MTAP: variants seen among roughly 807,000 people sequenced by gnomAD.
MTAP encodes S-methyl-5'-thioadenosine phosphorylase.
Under a neutral mutation model 33.6 loss-of-function variants are expected in MTAP, and 33 were observed. That is an observed-to-expected ratio of 0.98 (90% CI 0.74 to 1.31). MTAP has a LOEUF of 1.31. Ranked by LOEUF, MTAP falls within the 40% of genes most tolerant of loss-of-function variation. The pLI is 0.00. For synonymous variants in MTAP, 148 were observed against 125.7 expected (o/e 1.18, Z -1.19); for missense variants, 367 against 360.0 (o/e 1.02, Z -0.16).
intron 1 of MTAP, among the ~76,000 whole-genome samples, chr9:21,884,904 C>T (rs115230759): frequency 0.016 from 2,404 of 152,160 alleles, 64 homozygotes; most frequent in African/African-American, 0.054. Flanking sequence ...AGGTTGCATA[C>T]ACAATTAGTA....
intron 7 of MTAP, 55 bp downstream of exon 7, chr9:21,859,480 T>C (rs1825710017): frequency 6.5e-7 from 1 of 1,531,310 alleles, no homozygotes; most frequent in Admixed American, 2.3e-5. Context: ...ATTGTCTTCT[T>C]TTCTTACTTG....
intron 5 of MTAP, among the ~76,000 whole-genome samples, chr9:21,846,416 A>C (rs1825383059): frequency 7.2e-6 from 1 of 139,188 alleles, no homozygotes; most frequent in East Asian, 2.2e-4. Context: ...CAAATCAGCA[A>C]GAAAAAAAAA....
chr9:21,928,255 TA>T (rs577394403), intron 1 of MTAP, among the ~76,000 whole-genome samples: 169 of 152,302 alleles, frequency 1.1e-3, no homozygotes, highest in African/African-American at 4.0e-3. Flanking sequence ...CAGTCTAGGG[TA>T]AATTTGTAAA....
chr9:21,909,980 A>G (rs16938590), intron 1 of MTAP, among the ~76,000 whole-genome samples: 28,912 of 152,138 alleles, frequency 0.19, 4,552 homozygotes, highest in African/African-American at 0.42. Flanking sequence ...TTACATGACA[A>G]AGATATCTTT....
At chr9:21,830,152 A>T (rs1024260521) in intron 4 of MTAP, among the ~76,000 whole-genome samples, 1 of 152,232 alleles carries the variant, frequency 6.6e-6, no homozygotes, top group African/African-American at 2.4e-5. Flanking sequence ...TGAGTAGAGC[A>T]TCCATAGAAA....
Position 21,837,932 on chromosome 9 carries a change from C to G in MTAP, c.372C>G (p.Phe124Leu), listed in dbSNP as rs769325198. 4.3e-6 allele frequency: 7 copies of G among 1,614,110 alleles called. No individual in the cohort carries two copies. The highest frequency in any genetic ancestry group is 5.1e-6 in the Non-Finnish European group (6 of 1,179,958). ...GGACCACTATGAGACCTCAGTCCTT[C>G]TATGATGGAAGTCATTCTTGTGCCA... ...IDRTTMRPQS[F>L]YDGSHSCARG... The change falls in exon 5 of 8, where the codon TTC becomes TTG. Residue 124 changes from phenylalanine (F) to leucine (L), a missense_variant. By Grantham distance (22) the Phe-to-Leu change is conservative (BLOSUM62 0). Transcript: ENST00000644715.
chr9:21,833,879 AGTCT>A (rs1350513409), intron 4 of MTAP, among the ~76,000 whole-genome samples: 2 of 152,168 alleles, frequency 1.3e-5, no homozygotes, highest in African/African-American at 4.8e-5. Flanking sequence ...CCTACCAGTC[AGTCT>A]ATTTCTAGGC....
intron 1 of MTAP, among the ~76,000 whole-genome samples, chr9:21,881,891 T>C (rs1195747056): frequency 1.3e-5 from 2 of 151,894 alleles, no homozygotes; most frequent in Non-Finnish European, 2.9e-5. Context: ...TCTAAAAGAA[T>C]TGAAAGCAGG....
chr9:21,925,339 C>T (rs1305739864), intron 1 of MTAP, among the ~76,000 whole-genome samples: 1 of 152,140 alleles, frequency 6.6e-6, no homozygotes, highest in Non-Finnish European at 1.5e-5. Context: ...CTCAGGCAGC[C>T]CCACATATTT....
intron 1 of MTAP, among the ~76,000 whole-genome samples, chr9:21,916,799 C>A (rs999148407): frequency 7.2e-5 from 11 of 152,128 alleles, no homozygotes; most frequent in Non-Finnish European, 1.5e-4. Flanking sequence ...GCACTGCTAA[C>A]ACCTTTATTT....
intron 4 of MTAP, among the ~76,000 whole-genome samples, chr9:21,824,806 G>A (rs550793068): frequency 5.3e-4 from 81 of 152,296 alleles, no homozygotes; most frequent in African/African-American, 1.9e-3. Context: ...AGTGGTGGGC[G>A]CCCATCCCCC....
intron 1 of MTAP, chr9:21,892,991 C>A (rs2118757046): frequency 6.6e-6 from 1 of 152,316 alleles, no homozygotes; most frequent in African/African-American, 2.4e-5. Context: ...TATACAATTA[C>A]ATGGAAATTA....
chr9:21,880,430 C>T (rs1817987677), intron 1 of MTAP, among the ~76,000 whole-genome samples: 1 of 151,992 alleles, frequency 6.6e-6, no homozygotes, highest in African/African-American at 2.4e-5. Flanking sequence ...GAAATAAAAG[C>T]CATCTAGATT....
chr9:21,896,273 C>A (rs1818291532), intron 1 of MTAP, among the ~76,000 whole-genome samples: 1 of 151,930 alleles, frequency 6.6e-6, no homozygotes, highest in Admixed American at 6.6e-5. Flanking sequence ...TAAATGCCCA[C>A]AAGAGAAAGC....
downstream of MTAP, chr9:21,933,485 C>T (rs1313688349): frequency 1.3e-5 from 2 of 152,224 alleles, no homozygotes; most frequent in African/African-American, 4.8e-5. Flanking sequence ...ATTTTCCACC[C>T]TGTCTCCTCT....
At position 21,867,066 on chromosome 9, in the gene MTAP, T is replaced by C. The variant is rs747326565; in HGVS notation, c.*5052T>C. ...CTTTATATTCTGTAATCTTATTAAA[T>C]TCACTTAGTTCAGTAGTAGTTCTTA... On this transcript the variant is annotated 3_prime_UTR_variant, in exon 8 of 8. Coordinates refer to ENST00000644715, the MANE Select transcript of MTAP (RefSeq NM_002451.4). 6.6e-5 allele frequency: 10 copies of C among 152,192 alleles called. No individual in the cohort carries two copies. Among genetic ancestry groups the C allele is most frequent in the Non-Finnish European group, 1.5e-5 (1 of 68,012 alleles). 9.4% of individuals were successfully genotyped at this position (152,192 alleles called of 1,614,324 possible). A position where few individuals can be genotyped will look rare whatever the true frequency, so the allele number is the denominator to read the frequency against.
chr9:21,929,964 C>A (rs1818930201), intron 1 of MTAP: 6 of 419,984 alleles, frequency 1.4e-5, no homozygotes, highest in Non-Finnish European at 2.8e-5. Context: ...CACCATCAAC[C>A]AAGATTCCCC....
chr9:21,833,763 T>C (rs534887489), intron 4 of MTAP, among the ~76,000 whole-genome samples: 11 of 152,348 alleles, frequency 7.2e-5, no homozygotes, highest in East Asian at 5.8e-4. Flanking sequence ...TGCCAGGGGA[T>C]GGGTGTTTGC....
Position 21,931,133 on chromosome 9 carries a change from G to C in MTAP, c.273G>C (p.Leu91=), listed in dbSNP as rs1818950861. The change falls in exon 2 of 2, where the codon CTG becomes CTC. Residue 91 remains leucine, a synonymous_variant. Transcript: ENST00000577563. ...ATGGCAGAGGTGAAATCCTGCCCCTGTCTCCCTTAGACCTGGCTGGATACT... is the reference window on the plus strand; with the variant it reads ...ATGGCAGAGGTGAAATCCTGCCCCTCTCTCCCTTAGACCTGGCTGGATACT... The C allele has an allele frequency of 5.3e-6, 4 of 759,502 alleles. No individual in the cohort carries two copies. In the East Asian group the frequency reaches 9.7e-5, roughly 18 times the overall value. 47.0% of individuals were successfully genotyped at this position (759,502 alleles called of 1,614,324 possible).
Sources: allele counts gnomAD v4.1 joint callset (sites outside exome capture counted in the v4.1 genomes callset), GRCh38; gene constraint gnomAD v4.1.1; transcripts MANE v1.5; gene names NCBI Gene and HGNC (gene_info 2026-07-23, HGNC 2026-07-21).